KIFC3: variants seen among roughly 807,000 people sequenced by gnomAD.
KIFC3 encodes the protein kinesin family member C3, also known as kinesin-like protein KIFC3.
Under a neutral mutation model 101.8 loss-of-function variants are expected in KIFC3, and 60 were observed. The observed-to-expected ratio is 0.59, with a 90% CI of 0.48 to 0.73. The LOEUF is 0.73. Ranked by LOEUF, KIFC3 falls within the 30% of genes least tolerant of loss-of-function variation. The probability of loss-of-function intolerance (pLI) is 0.00; values close to 1 mark genes in which losing one functional copy is unlikely to be tolerated. For missense variants in KIFC3, 966 were observed against 1,137.1 expected (o/e 0.85, Z 2.16); for synonymous variants, 476 against 482.7 (o/e 0.99, Z 0.18).
upstream of KIFC3, among the ~76,000 whole-genome samples, chr16:57,806,082 A>G (rs367933227): frequency 3.1e-4 from 47 of 152,180 alleles, no homozygotes; most frequent in African/African-American, 1.1e-3. Flanking sequence ...CTGCTCAGGC[A>G]TTCGTCAGAG....
chr16:57,781,950 CA>C (rs2052786173), intron 3 of KIFC3: 2 of 985,458 alleles, frequency 2.0e-6, no homozygotes, highest in Non-Finnish European at 2.4e-6. Flanking sequence ...GCAGGAACAG[CA>C]GTGTGAGAAA....
intron 12 of KIFC3, 104 bp downstream of exon 12, chr16:57,764,038 CA>C: frequency 1.2e-6 from 1 of 818,846 alleles, no homozygotes; most frequent in Non-Finnish European, 2.0e-6. Flanking sequence ...TTGTGAGGAC[CA>C]AATGAGGCAA....
intron 1 of KIFC3, among the ~76,000 whole-genome samples, chr16:57,821,095 C>T (rs1258425713): frequency 6.6e-6 from 1 of 151,324 alleles, no homozygotes; most frequent in African/African-American, 2.4e-5. Flanking sequence ...TACACCATTG[C>T]ACTCCAGCCT....
At chr16:57,764,661 G>A (rs1421756798) in intron 11 of KIFC3, among the ~76,000 whole-genome samples, 2 of 152,238 alleles carry the variant, frequency 1.3e-5, no homozygotes, top group Non-Finnish European at 2.9e-5. Flanking sequence ...AGGTTGGTCT[G>A]GGCAGAGATA....
intron 3 of KIFC3, among the ~76,000 whole-genome samples, chr16:57,778,502 C>T (rs1290102072): frequency 6.6e-6 from 1 of 152,098 alleles, no homozygotes; most frequent in East Asian, 1.9e-4. Context: ...AGTGAAAAGG[C>T]AACACGTGGA....
At chr16:57,793,301 A>C (rs112975076) in intron 3 of KIFC3, among the ~76,000 whole-genome samples, 2,779 of 146,584 alleles carry the variant, frequency 0.019, 99 homozygotes, top group African/African-American at 0.067. Flanking sequence ...AAAAAAAATC[A>C]TATAAATATG....
intron 3 of KIFC3, chr16:57,775,615 C>T (rs1292625525): frequency 4.1e-6 from 4 of 985,592 alleles, no homozygotes; most frequent in Non-Finnish European, 4.8e-6. Context: ...GACTGAGGGC[C>T]CTTCACACAC....
chr16:57,769,514 G>C lies in KIFC3; in HGVS notation c.1218+81C>G, dbSNP rs566194159. ...TCTGAGCGGCTTTGTCTGAGCTTTG[G>C]AGGGACGCCCTGAGTGGATGTCGTG... is the stretch of plus-strand genomic sequence containing the variant. On this transcript the variant is annotated intron_variant, in intron 9 of 19. Transcript: ENST00000445690. This position sits in a 1 kb window ranked among gnomAD's most constrained non-coding sequence, Gnocchi z 4.3. The C allele has an allele frequency of 6.6e-7, 1 of 1,521,156 alleles. No individual in the cohort carries two copies. Among genetic ancestry groups the C allele is most frequent in the Admixed American group, 1.8e-5 (1 of 54,326 alleles). The allele number at this position is 1,521,156 out of a possible 1,614,324, so 94.2% of individuals were successfully genotyped here. A position where few individuals can be genotyped will look rare whatever the true frequency, so the allele number is the denominator to read the frequency against.
At chr16:57,777,101 A>G (rs1332757512) in intron 3 of KIFC3, 3 of 152,246 alleles carry the variant, frequency 2.0e-5, no homozygotes. Flanking sequence ...TCCATTTACA[A>G]TAGCATCAAA....
intron 3 of KIFC3, chr16:57,785,514 C>T (rs1555617192): frequency 7.8e-7 from 1 of 1,289,280 alleles, no homozygotes; most frequent in Admixed American, 2.3e-5. Context: ...TCGCGGAGGG[C>T]CAGCCTCTCC....
In KIFC3 at chr16:57,760,750, G is replaced by A. The variant is rs2049749734; in HGVS notation, c.2208C>T (p.Asp736=). Residue 736 remains aspartate (D), a synonymous_variant, in exon 16 of 20, where the codon GAC becomes GAT. Coordinates refer to ENST00000445690, the MANE Select transcript of KIFC3 (RefSeq NM_001130100.2). ...CCTGTACCACCATGAGGGTCTTGCT[G>A]TCACCACTAAGCGAATCCTGCAGCA... The part of the protein sequence containing the change: ...TYLLQDSLSG[D]SKTLMVVQVS... 6.2e-7 allele frequency: 1 copy of A among 1,613,824 alleles called. No homozygotes were observed. Among genetic ancestry groups the A allele is most frequent in the Non-Finnish European group, 8.5e-7 (1 of 1,179,974 alleles).
At chr16:57,809,225 T>G (rs1416876925) in intron 1 of KIFC3, among the ~76,000 whole-genome samples, 1 of 152,204 alleles carries the variant, frequency 6.6e-6, no homozygotes, top group Non-Finnish European at 1.5e-5. Context: ...AAAGCCAAGG[T>G]CACATTCAGA....
In KIFC3 at chr16:57,759,362, C is replaced by T. The variant is rs1368025750; in HGVS notation, c.2477-209G>A. On this transcript the variant is annotated intron_variant, in intron 18 of 19. Transcript: ENST00000445690. ...AGGCAAGCCCGGCCCTTTCTACCCCCGGGGCAGCTGAGGCACAGGGAGGGG... is the reference window on the plus strand; with the variant it reads ...AGGCAAGCCCGGCCCTTTCTACCCCTGGGGCAGCTGAGGCACAGGGAGGGG... 3.7e-5 allele frequency: 23 copies of T among 628,214 alleles called. No individual in the cohort carries two copies. In the African/African-American group the frequency reaches 3.7e-4, roughly 10 times the overall value. 38.9% of individuals were successfully genotyped at this position (628,214 alleles called of 1,614,324 possible). A position where few individuals can be genotyped will look rare whatever the true frequency, so the allele number is the denominator to read the frequency against.
intron 1 of KIFC3, among the ~76,000 whole-genome samples, chr16:57,837,525 GAGAA>G (rs1175657760): frequency 1.1e-4 from 4 of 36,564 alleles, no homozygotes; most frequent in Admixed American, 3.8e-4. Flanking sequence ...AGAAAGAAAA[GAGAA>G]AGAAAGAAAG....
Position 57,758,636 on chromosome 16 carries a change from C to T in KIFC3, c.*298G>A, listed in dbSNP as rs781909689. On this transcript the variant is annotated 3_prime_UTR_variant, in exon 20 of 20. Coordinates refer to ENST00000445690, the MANE Select transcript of KIFC3 (RefSeq NM_001130100.2). ...CTCCTCCACACTCCCGCCCTCCTCA[C>T]GGGGCCCAGTTCGCTGATGGCCCAG... The T allele has an allele frequency of 5.7e-6, 4 of 699,134 alleles. No individual in the cohort carries two copies. The highest frequency in any genetic ancestry group is 3.0e-5 in the South Asian group (2 of 66,728). 43.3% of individuals were successfully genotyped at this position (699,134 alleles called of 1,614,324 possible).
intron 1 of KIFC3, among the ~76,000 whole-genome samples, chr16:57,833,506 G>A (rs1205176689): frequency 1.3e-5 from 2 of 152,188 alleles, no homozygotes; most frequent in East Asian, 3.9e-4. Flanking sequence ...AGGCATCTGG[G>A]CAGGGCTGAG....
chr16:57,812,537 T>C (rs1205233021), intron 1 of KIFC3, among the ~76,000 whole-genome samples: 1 of 152,084 alleles, frequency 6.6e-6, no homozygotes, highest in Non-Finnish European at 1.5e-5. Flanking sequence ...CCGAGTGTGA[T>C]GGGGCCCTGG....
rs781826510 is a variant in KIFC3 at position 57,770,560 on chromosome 16, G to A, written c.906C>T (p.Ser302=). 4.0e-6 allele frequency: 6 copies of A among 1,497,804 alleles called. No homozygotes were observed. Among genetic ancestry groups the A allele is most frequent in the Non-Finnish European group, 1.8e-6 (2 of 1,123,524 alleles). 92.8% of individuals were successfully genotyped at this position (1,497,804 alleles called of 1,614,324 possible). The change falls in exon 7 of 20, where the codon AGC becomes AGT. Residue 302 remains serine (S), a synonymous_variant. Coordinates refer to ENST00000445690, the MANE Select transcript of KIFC3 (RefSeq NM_001130100.2). The part of the protein sequence containing the change: ...VLKEMEQQLQ[S]SHQLTARLRA... ...GGAGCCGCGCGGTCAGCTGGTGTGA[G>A]CTCTGCAGCTGCTGTTCCATCTCCT...
intron 3 of KIFC3, among the ~76,000 whole-genome samples, chr16:57,784,264 G>A (rs1242049448): frequency 6.6e-6 from 1 of 152,234 alleles, no homozygotes; most frequent in Non-Finnish European, 1.5e-5. Context: ...TACAGGGCTA[G>A]CCTAGAGGAG....
Sources: gnomAD v4.1 joint callset for allele counts (sites outside exome capture counted in the v4.1 genomes callset) on GRCh38, gnomAD v4.1.1 for gene constraint, Gnocchi (gnomAD v3.1) non-coding constraint, MANE v1.5 for transcripts, NCBI Gene and HGNC (gene_info 2026-07-23, HGNC 2026-07-21) for gene names.